GPHN: variants seen among roughly 807,000 people sequenced by gnomAD.
GPHN encodes the protein gephyrin.
GPHN carries 17 observed loss-of-function variants against 95.5 expected under a neutral mutation model. That is an observed-to-expected ratio of 0.18 (90% CI 0.12 to 0.27). The LOEUF is 0.27. Ranked by LOEUF, GPHN falls within the 10% of genes least tolerant of loss-of-function variation. The pLI is 1.00. For synonymous variants in GPHN, 320 were observed against 322.5 expected (o/e 0.99, Z 0.08); for missense variants, 660 against 978.1 (o/e 0.67, Z 4.34).
the GPHN span, chr14:67,199,383 A>T: frequency 6.2e-7 from 1 of 1,613,834 alleles, no homozygotes; most frequent in East Asian, 2.2e-5. Context: ...GGGAACCTGG[A>T]CCCTGAGATT....
chr14:66,776,373 T>C lies in GPHN; in HGVS notation c.144-91T>C, dbSNP rs918602551. ...TTGTTGGGGTGAATACTGGGAGTTA[T>C]TGGTAGCATTCTGATGGTAATGGCA... is the stretch of plus-strand genomic sequence containing the variant. On this transcript the variant is annotated intron_variant, in intron 2 of 22. Coordinates refer to ENST00000478722, the MANE Select transcript of GPHN (RefSeq NM_020806.5). The C allele has an allele frequency of 3.5e-5, 29 of 817,688 alleles. No homozygotes were observed. The South Asian group carries it at 3.7e-4, about 11-fold the overall frequency. 50.7% of individuals were successfully genotyped at this position (817,688 alleles called of 1,614,324 possible).
chr14:67,495,486 A>AT, the GPHN span, among the ~76,000 whole-genome samples: 105 of 144,332 alleles, frequency 7.3e-4, no homozygotes, highest in South Asian at 2.7e-3. Context: ...AGCCTTCTGG[A>AT]TTTTTTTTTT....
the GPHN span, among the ~76,000 whole-genome samples, chr14:67,530,909 C>T: frequency 6.6e-6 from 1 of 152,180 alleles, no homozygotes; most frequent in African/African-American, 2.4e-5. Context: ...GAATGGCCTC[C>T]TCTCACCTCT....
intron 1 of GPHN, among the ~76,000 whole-genome samples, chr14:66,561,126 CTGCTGGATTCGGTT>C (rs1264546540): frequency 6.6e-6 from 1 of 152,090 alleles, no homozygotes; most frequent in Non-Finnish European, 1.5e-5. Context: ...TTTTGATGTG[CTGCTGGATTCGGTT>C]TGCCAGTATT....
At chr14:66,720,270 TTGGCCAAGTG>T (rs1484666664) in intron 2 of GPHN, among the ~76,000 whole-genome samples, 4 of 152,194 alleles carry the variant, frequency 2.6e-5, no homozygotes, top group African/African-American at 9.7e-5. Context: ...GTAGTTGGTT[TTGGCCAAGTG>T]TGGCAGCTCA....
chr14:66,614,914 G>C (rs2062940471), intron 1 of GPHN, among the ~76,000 whole-genome samples: 1 of 151,786 alleles, frequency 6.6e-6, no homozygotes. Flanking sequence ...CTCCTCTCTG[G>C]GTCCATGTGT....
At chr14:67,638,562 TC>T in the GPHN span, among the ~76,000 whole-genome samples, 1 of 152,148 alleles carries the variant, frequency 6.6e-6, no homozygotes, top group Non-Finnish European at 1.5e-5. Context: ...TTCCCCTGAC[TC>T]CTTTAGGACT....
the GPHN span, among the ~76,000 whole-genome samples, chr14:67,525,874 A>G: frequency 3.4e-4 from 52 of 152,354 alleles, no homozygotes; most frequent in Non-Finnish European, 6.5e-4. Flanking sequence ...GGAAATTTCT[A>G]CTTTCAAGAT....
In GPHN at chr14:66,661,563, G is replaced by A. The variant is rs989212030; in HGVS notation, c.65-19544G>A. 2.0e-5 allele frequency among the ~76,000 whole-genome samples: 3 copies of A among 152,242 alleles called. No individual in the cohort carries two copies. In the South Asian group the frequency reaches 6.2e-4, roughly 31 times the overall value. ...TTGGACAGCTCAACCTTTCCAGCCT[G>A]TGGGCTTTGGAGAGTCCAAACCGAC... is the stretch of plus-strand genomic sequence containing the variant. On this transcript the variant is annotated intron_variant, in intron 1 of 22. Transcript: ENST00000478722.
At chr14:66,621,153 T>G (rs895134030) in intron 1 of GPHN, among the ~76,000 whole-genome samples, 2 of 151,184 alleles carry the variant, frequency 1.3e-5, no homozygotes, top group African/African-American at 4.9e-5. Flanking sequence ...TTTTTTGTAT[T>G]TTTAGTAGAG....
At chr14:66,799,186 A>G (rs146904159) in intron 3 of GPHN, among the ~76,000 whole-genome samples, 82 of 152,080 alleles carry the variant, frequency 5.4e-4, no homozygotes, top group African/African-American at 1.8e-3. Context: ...GATGCTTGAT[A>G]TTATTTTAGT....
the GPHN span, chr14:67,734,427 G>A: frequency 1.3e-5 from 2 of 154,808 alleles, no homozygotes; most frequent in African/African-American, 4.8e-5. Context: ...AATTTTTAGA[G>A]AAAATAAAGA....
the GPHN span, among the ~76,000 whole-genome samples, chr14:67,642,673 ACTTAT>A: frequency 2.0e-5 from 3 of 151,882 alleles, no homozygotes; most frequent in East Asian, 1.9e-4. Context: ...CTTTCTTGAG[ACTTAT>A]CTTATGACTT....
chr14:67,154,549 G>A (rs975707198), intron 18 of GPHN, among the ~76,000 whole-genome samples: 3 of 152,024 alleles, frequency 2.0e-5, no homozygotes, highest in Non-Finnish European at 4.4e-5. Flanking sequence ...AATGTTTGGT[G>A]CACTAACAAA....
At chr14:67,397,890 G>T in the GPHN span, 2 of 1,380,696 alleles carry the variant, frequency 1.4e-6, no homozygotes, top group Admixed American at 2.1e-5. Context: ...GTTCAGGGAG[G>T]GGGTGTCTGG....
chr14:66,654,208 C>T (rs1200529043), intron 1 of GPHN, among the ~76,000 whole-genome samples: 1 of 151,950 alleles, frequency 6.6e-6, no homozygotes, highest in Non-Finnish European at 1.5e-5. Context: ...AGTGCAGTGG[C>T]ACGTGTGACT....
At chr14:66,669,588 A>G (rs530873674) in intron 1 of GPHN, among the ~76,000 whole-genome samples, 107 of 151,846 alleles carry the variant, frequency 7.0e-4, no homozygotes, top group Middle Eastern at 3.4e-3. Flanking sequence ...TTGTTTGACA[A>G]TTCTTGGGGA....
At chr14:67,328,984 C>G in the GPHN span, among the ~76,000 whole-genome samples, 1 of 152,042 alleles carries the variant, frequency 6.6e-6, no homozygotes, top group African/African-American at 2.4e-5. Flanking sequence ...TCCATATGAA[C>G]TTTAAAGTAG....
At chr14:66,572,154 G>A (rs1038778927) in intron 1 of GPHN, among the ~76,000 whole-genome samples, 3 of 152,132 alleles carry the variant, frequency 2.0e-5, no homozygotes, top group African/African-American at 7.2e-5. Flanking sequence ...TTTGATTACT[G>A]TAGGCTTGTT....
Sources: allele counts gnomAD v4.1 joint callset (sites outside exome capture counted in the v4.1 genomes callset), GRCh38; gene constraint gnomAD v4.1.1; transcripts MANE v1.5; gene names NCBI Gene and HGNC (gene_info 2026-07-23, HGNC 2026-07-21).